DLG2: variants seen among roughly 807,000 people sequenced by gnomAD.
The protein encoded by DLG2 is discs large MAGUK scaffold protein 2, also known as disks large homolog 2.
In DLG2, 45 loss-of-function variants were observed where a neutral mutation model predicts 132.5. The observed-to-expected ratio is 0.34, with a 90% CI of 0.27 to 0.44. The LOEUF (loss-of-function observed/expected upper bound fraction) is 0.44, where lower values mean the gene tolerates loss of function less well. Among genes scored for constraint, DLG2 ranks in the 20% least tolerant of loss-of-function variants. The probability of loss-of-function intolerance (pLI) is 1.00; values close to 1 mark genes in which losing one functional copy is unlikely to be tolerated. For synonymous variants in DLG2, 424 were observed against 419.6 expected, an observed-to-expected ratio of 1.01 and a Z score of -0.13; for missense variants, 1,045 against 1,196.9, an observed-to-expected ratio of 0.87 and a Z score of 1.87.
chr11:85,177,394 G>C (rs1241631203), intron 4 of DLG2, among the ~76,000 whole-genome samples: 1 of 151,900 alleles, frequency 6.6e-6, no homozygotes, highest in Non-Finnish European at 1.5e-5. Flanking sequence ...GTTGGAATCT[G>C]TTATCCTCAG....
At chr11:83,753,194 G>A (rs1000648538) in intron 18 of DLG2, among the ~76,000 whole-genome samples, 4 of 152,046 alleles carry the variant, frequency 2.6e-5, no homozygotes, top group East Asian at 1.9e-4. Context: ...AGGCTGAGGC[G>A]GGTGGATCAC....
chr11:84,639,055 CT>C (rs1407072330), intron 6 of DLG2, among the ~76,000 whole-genome samples: 1 of 152,144 alleles, frequency 6.6e-6, no homozygotes, highest in Non-Finnish European at 1.5e-5. Context: ...CAACTTAGGT[CT>C]TTAGCTCTCT....
intron 6 of DLG2, among the ~76,000 whole-genome samples, chr11:84,977,416 C>A (rs1282881386): frequency 6.6e-6 from 1 of 152,148 alleles, no homozygotes; most frequent in South Asian, 2.1e-4. Flanking sequence ...TCAACTAGTG[C>A]AGGAATCCAA....
At chr11:85,606,242 C>CA (rs1266963324) in intron 2 of DLG2, among the ~76,000 whole-genome samples, 2 of 152,118 alleles carry the variant, frequency 1.3e-5, no homozygotes, top group Non-Finnish European at 2.9e-5. Context: ...TGAATGATCA[C>CA]AATTTTATCA....
At chr11:85,543,833 T>A (rs537071013) in intron 3 of DLG2, among the ~76,000 whole-genome samples, 1 of 143,462 alleles carries the variant, frequency 7.0e-6, no homozygotes, top group South Asian at 2.3e-4. Flanking sequence ...TTGATGGGGT[T>A]GTTTGTTTTT....
chr11:84,531,570 C>G (rs2099340966), intron 7 of DLG2, among the ~76,000 whole-genome samples: 1 of 152,066 alleles, frequency 6.6e-6, no homozygotes, highest in African/African-American at 2.4e-5. Flanking sequence ...GAAAAAAATC[C>G]TGGTCCCAAA....
chr11:84,860,386 C>T (rs2083446350), intron 6 of DLG2, among the ~76,000 whole-genome samples: 1 of 152,086 alleles, frequency 6.6e-6, no homozygotes, highest in Non-Finnish European at 1.5e-5. Flanking sequence ...TTCTGACTGA[C>T]TTATCTTTAG....
At chr11:84,063,296 T>C (rs975488293) in intron 10 of DLG2, among the ~76,000 whole-genome samples, 3 of 152,218 alleles carry the variant, frequency 2.0e-5, no homozygotes, top group Non-Finnish European at 2.9e-5. Context: ...TTTAATATTC[T>C]TTCTAGAATT....
At chr11:85,051,326 TC>T (rs2062867253) in intron 6 of DLG2, among the ~76,000 whole-genome samples, 1 of 152,088 alleles carries the variant, frequency 6.6e-6, no homozygotes, top group South Asian at 2.1e-4. Context: ...CCATTGGCAT[TC>T]CCCCAAAATT....
At chr11:84,837,734 T>C (rs1216387674) in intron 6 of DLG2, among the ~76,000 whole-genome samples, 2 of 151,802 alleles carry the variant, frequency 1.3e-5, no homozygotes, top group African/African-American at 2.4e-5. Context: ...CAATATTACA[T>C]AGAGAGCAAT....
chr11:83,560,885 A>G lies in DLG2; in HGVS notation c.1941-19027T>C, dbSNP rs1464819698. Among the ~76,000 whole-genome samples, 14 of 152,300 alleles carry G rather than the reference A, an allele frequency of 9.2e-5. No individual in the cohort carries two copies. In the East Asian group the frequency reaches 2.5e-3, roughly 27 times the overall value. ...AGTCCATTCTCACATTGCTATAAGG[A>G]AATATCTGAGACTGGGTAATTTATT... On this transcript the variant is annotated intron_variant, in intron 19 of 27. Coordinates refer to ENST00000376104, the MANE Select transcript of DLG2 (RefSeq NM_001142699.3).
At chr11:84,705,346 T>G (rs978535797) in intron 6 of DLG2, among the ~76,000 whole-genome samples, 2 of 151,690 alleles carry the variant, frequency 1.3e-5, no homozygotes, top group Non-Finnish European at 3.0e-5. Context: ...CAGGTTCCTG[T>G]GGCAGCACTG....
chr11:84,495,767 C>T (rs980851285), intron 7 of DLG2, among the ~76,000 whole-genome samples: 7 of 152,148 alleles, frequency 4.6e-5, no homozygotes, highest in Non-Finnish European at 8.8e-5. Flanking sequence ...CTACTATTCT[C>T]CAAGCTCTGT....
chr11:85,070,082 T>C (rs1205514831), intron 6 of DLG2, among the ~76,000 whole-genome samples: 2 of 151,774 alleles, frequency 1.3e-5, no homozygotes, highest in Non-Finnish European at 2.9e-5. Context: ...ATGTTCTCAC[T>C]CATAGGTGGG....
chr11:85,002,606 C>A (rs963263730), intron 6 of DLG2, among the ~76,000 whole-genome samples: 18 of 152,004 alleles, frequency 1.2e-4, no homozygotes, highest in African/African-American at 4.3e-4. Context: ...TGAATGTGGC[C>A]TTGAGATTTT....
At chr11:84,344,665 G>A (rs1002203296) in intron 7 of DLG2, among the ~76,000 whole-genome samples, 1 of 152,114 alleles carries the variant, frequency 6.6e-6, no homozygotes, top group Non-Finnish European at 1.5e-5. Context: ...CTTAATCACA[G>A]TAACTTATCT....
At chr11:83,991,301 G>A (rs925889095) in intron 11 of DLG2, among the ~76,000 whole-genome samples, 9 of 152,142 alleles carry the variant, frequency 5.9e-5, no homozygotes, top group Middle Eastern at 3.4e-3. Context: ...CTGCTCACAG[G>A]TCACCCAATT....
rs1359694798 is a variant in DLG2, at chr11:83,657,603, A to G, written c.1826-24278T>C. ...ACCCAGGCTGCAGTGCAGTGGCGCGATCTCGGCTCACTGCAAGATCTGCCT... is the reference window on the plus strand; with the variant it reads ...ACCCAGGCTGCAGTGCAGTGGCGCGGTCTCGGCTCACTGCAAGATCTGCCT... On this transcript the variant is annotated intron_variant, in intron 18 of 27. Transcript: ENST00000376104. 3.8e-5 allele frequency among the ~76,000 whole-genome samples: 5 copies of G among 130,414 alleles called. No individual in the cohort carries two copies. The East Asian group carries it at 6.8e-4, about 18-fold the overall frequency. The allele number at this position is 130,414 out of a possible 152,430, so 85.6% of individuals were successfully genotyped here. A position where few individuals can be genotyped will look rare whatever the true frequency, so the allele number is the denominator to read the frequency against.
At chr11:84,923,337 C>A (rs1199633076) in intron 6 of DLG2, 5 of 1,243,630 alleles carry the variant, frequency 4.0e-6, no homozygotes, top group Non-Finnish European at 2.0e-6. Flanking sequence ...GCATTATGCC[C>A]AGTAATTTCA....
Sources: gnomAD v4.1 joint callset for allele counts (sites outside exome capture counted in the v4.1 genomes callset) on GRCh38, gnomAD v4.1.1 for gene constraint, MANE v1.5 for transcripts, NCBI Gene and HGNC (gene_info 2026-07-23, HGNC 2026-07-21) for gene names.